CCPG1: variants seen among roughly 807,000 people sequenced by gnomAD.
The protein encoded by CCPG1 is cell cycle progression protein 1.
A neutral mutation model predicts 81.3 loss-of-function variants in CCPG1; 46 were observed. The observed-to-expected ratio is 0.57, with a 90% CI of 0.45 to 0.72. The LOEUF (loss-of-function observed/expected upper bound fraction) is 0.72. Among genes scored for constraint, CCPG1 ranks in the 30% least tolerant of loss-of-function variants. The pLI, the probability that CCPG1 is intolerant of heterozygous loss-of-function variation, is 0.00. For missense variants in CCPG1, 902 were observed against 937.6 expected, an observed-to-expected ratio of 0.96 and a Z score of 0.50; for synonymous variants, 330 against 305.2, an observed-to-expected ratio of 1.08 and a Z score of -0.85.
chr15:55,394,787 G>T (rs929882094), intron 1 of CCPG1, among the ~76,000 whole-genome samples: 7 of 150,878 alleles, frequency 4.6e-5, no homozygotes, highest in Non-Finnish European at 1.0e-4. Flanking sequence ...AAACCATCAG[G>T]CCTCCTAGAT....
chr15:55,368,155 G>A (rs1441890296), intron 6 of CCPG1, among the ~76,000 whole-genome samples: 3 of 152,128 alleles, frequency 2.0e-5, no homozygotes, highest in Non-Finnish European at 4.4e-5. Flanking sequence ...ACTTTAGTAC[G>A]TATGGATTTT....
At chr15:55,390,546 AT>A (rs2056894217) in intron 1 of CCPG1, among the ~76,000 whole-genome samples, 1 of 152,230 alleles carries the variant, frequency 6.6e-6, no homozygotes, top group African/African-American at 2.4e-5. Flanking sequence ...TGAAGACAAT[AT>A]GGAACTAGTG....
intron 8 of CCPG1, chr15:55,357,245 G>C: frequency 3.4e-6 from 3 of 882,682 alleles, no homozygotes; most frequent in Non-Finnish European, 4.1e-6. Flanking sequence ...CCAACAAGAT[G>C]ACCCAACCCA....
intron 6 of CCPG1, among the ~76,000 whole-genome samples, chr15:55,366,961 T>C (rs2056343291): frequency 6.6e-6 from 1 of 152,198 alleles, no homozygotes; most frequent in African/African-American, 2.4e-5. Flanking sequence ...TATAGAATTT[T>C]ACAAAGAAAG....
In CCPG1 at chr15:55,372,191, C is replaced by G. The variant is rs2056463670; in HGVS notation, c.455-147G>C. On this transcript the variant is annotated intron_variant, in intron 5 of 8. Transcript: ENST00000442196. ...AAAAACCAAACAACATAAACAAAAA[C>G]ACGGGTTTTCAACTCATCAACATAA... 9 of 704,848 alleles carry G rather than the reference C, an allele frequency of 1.3e-5. No individual in the cohort carries two copies. The South Asian group carries it at 1.8e-4, about 14-fold the overall frequency. The allele number at this position is 704,848 out of a possible 1,614,324, so 43.7% of individuals were successfully genotyped here.
intron 5 of CCPG1, among the ~76,000 whole-genome samples, chr15:55,374,486 C>A (rs201962526): frequency 6.6e-6 from 1 of 151,766 alleles, no homozygotes; most frequent in Non-Finnish European, 1.5e-5. Flanking sequence ...CTTAACCCAA[C>A]AAAACGTACA....
chr15:55,355,583 C>A lies in CCPG1; in HGVS notation c.*637G>T. On this transcript the variant is annotated 3_prime_UTR_variant, in exon 9 of 9. Coordinates refer to ENST00000442196, the MANE Select transcript of CCPG1 (RefSeq NM_001204450.2). ...ACTACTGAGGAAATGTATAAAATAC[C>A]ACATAGTATAAAATTACATGTTAAT... 1 of 552,904 alleles carries A rather than the reference C, an allele frequency of 1.8e-6. No individual in the cohort carries two copies. Among genetic ancestry groups the A allele is most frequent in the Non-Finnish European group, 3.1e-6 (1 of 320,738 alleles). 34.2% of individuals were successfully genotyped at this position (552,904 alleles called of 1,614,324 possible). A position where few individuals can be genotyped will look rare whatever the true frequency, so the allele number is the denominator to read the frequency against.
At chr15:55,393,085 C>T (rs2056953143) in intron 1 of CCPG1, among the ~76,000 whole-genome samples, 1 of 152,064 alleles carries the variant, frequency 6.6e-6, no homozygotes, top group Admixed American at 6.6e-5. Context: ...GCCTGGGCAA[C>T]AAGAGGGAAA....
intron 7 of CCPG1, among the ~76,000 whole-genome samples, chr15:55,363,799 C>CTTTTTTTTTTTTTTTT (rs565044184): frequency 6.4e-5 from 6 of 93,938 alleles, no homozygotes; most frequent in Admixed American, 2.6e-4. Context: ...TTTCCTTTTC[C>CTTTTTTTTTTTTTTTT]TTTTTTTTTT....
chr15:55,376,057 T>G (rs1001183132), intron 5 of CCPG1, among the ~76,000 whole-genome samples: 1 of 152,216 alleles, frequency 6.6e-6, no homozygotes, highest in Non-Finnish European at 1.5e-5. Flanking sequence ...CTGATTCTGG[T>G]TGGCAAATGT....
At chr15:55,396,022 C>T (rs1340514490) in intron 1 of CCPG1, among the ~76,000 whole-genome samples, 1 of 152,016 alleles carries the variant, frequency 6.6e-6, no homozygotes, top group East Asian at 1.9e-4. Context: ...GGCATGCTGG[C>T]GTGCGCCTGT....
chr15:55,370,811 G>A (rs527268370), intron 6 of CCPG1, among the ~76,000 whole-genome samples: 2 of 150,858 alleles, frequency 1.3e-5, no homozygotes, highest in African/African-American at 4.9e-5. Flanking sequence ...CAGAGGCAGA[G>A]GCTGCATTGA....
intron 1 of CCPG1, among the ~76,000 whole-genome samples, chr15:55,399,427 A>AAAAC: frequency 6.6e-6 from 1 of 150,688 alleles, no homozygotes; most frequent in South Asian, 2.1e-4. Context: ...CAAAAAAAAA[A>AAAAC]AAAAAAAAAA....
In CCPG1 at chr15:55,356,022, G is replaced by T. The variant is rs1023721018; in HGVS notation, c.*198C>A. 8 of 513,740 alleles carry T rather than the reference G, an allele frequency of 1.6e-5. No individual in the cohort carries two copies. Among genetic ancestry groups the T allele is most frequent in the Non-Finnish European group, 2.3e-5 (7 of 299,088 alleles). 31.8% of individuals were successfully genotyped at this position (513,740 alleles called of 1,614,324 possible). On this transcript the variant is annotated 3_prime_UTR_variant, in exon 9 of 9. Transcript: ENST00000442196. ...TTTCCAGTGTCAAAAAAAATTCAACGAAGCTAAACTACAGGAAAATGCAGG... is the reference window on the plus strand; with the variant it reads ...TTTCCAGTGTCAAAAAAAATTCAACTAAGCTAAACTACAGGAAAATGCAGG...
chr15:55,378,951 CTTACATTACCAAA>C (rs1466203330), intron 3 of CCPG1, among the ~76,000 whole-genome samples: 1 of 151,930 alleles, frequency 6.6e-6, no homozygotes, highest in Non-Finnish European at 1.5e-5. Flanking sequence ...AAACCTCTAC[CTTACATTACCAAA>C]TTACTTGATC....
Position 55,371,884 on chromosome 15 carries a change from C to T in CCPG1, c.615G>A (p.Glu205=), listed in dbSNP as rs776120075. 2.5e-6 allele frequency: 4 copies of T among 1,614,138 alleles called. No individual in the cohort carries two copies. Among genetic ancestry groups the T allele is most frequent in the Admixed American group, 1.7e-5 (1 of 60,006 alleles). Residue 205 remains glutamate, a synonymous_variant, in exon 6 of 9, where the codon GAG becomes GAA. Transcript: ENST00000442196. ...VAEQETEPSK[E]LSKRQFSSGL... is the part of the protein sequence containing the mutation. ...CACTACTGAACTGACGTTTACTCAACTCCTTAGAAGGTTCAGTTTCTTGTT... is the reference window on the plus strand; with the variant it reads ...CACTACTGAACTGACGTTTACTCAATTCCTTAGAAGGTTCAGTTTCTTGTT...
intron 1 of CCPG1, chr15:55,399,941 AC>A (rs1273011103): frequency 6.6e-6 from 1 of 152,030 alleles, no homozygotes; most frequent in African/African-American, 2.4e-5. Context: ...TAAAAATACA[AC>A]AAATTAGTAG....
At position 55,385,608 on chromosome 15, in the gene CCPG1, T is replaced by C; in HGVS notation, c.167A>G (p.Glu56Gly). ...ATTTGTGAACAACTTACCTCCTTGC[T>C]CTATCTGCAATGCTTGAAGCTCCTC... ...EQEELQALQI[E>G]QGESSQNGTV... is the part of the protein sequence containing the mutation. The change falls in exon 3 of 9, where the codon GAG (glutamate) becomes GGG (glycine). Residue 56 changes from glutamate to glycine, a missense_variant. This residue lies in a region of CCPG1 where 746 missense variants were observed against 728.6 expected (regional missense o/e 1.02). Coordinates refer to ENST00000442196, the MANE Select transcript of CCPG1 (RefSeq NM_001204450.2). 1.3e-6 allele frequency: 2 copies of C among 1,572,494 alleles called. No individual in the cohort carries two copies. The highest frequency in any genetic ancestry group is 2.3e-5 in the East Asian group (1 of 44,444).
At chr15:55,368,926 A>G (rs1339871358) in intron 6 of CCPG1, among the ~76,000 whole-genome samples, 2 of 151,946 alleles carry the variant, frequency 1.3e-5, no homozygotes, top group Non-Finnish European at 2.9e-5. Context: ...AACCTGGCCA[A>G]CAGGGCGAAA....
Sources: gnomAD v4.1 joint callset for allele counts (sites outside exome capture counted in the v4.1 genomes callset) on GRCh38, gnomAD v4.1.1 for gene constraint, gnomAD v4.1.1 regional missense constraint, MANE v1.5 for transcripts, NCBI Gene and HGNC (gene_info 2026-07-23, HGNC 2026-07-21) for gene names.